Variants in RNGTT observed in about 807,000 individuals in gnomAD.
RNGTT encodes the protein mRNA-capping enzyme.
In RNGTT, 33 loss-of-function variants were observed where a neutral mutation model predicts 79.3. That is an observed-to-expected ratio of 0.42 (90% CI 0.32 to 0.56). RNGTT has a LOEUF of 0.56. Among genes scored for constraint, RNGTT ranks in the 20% least tolerant of loss-of-function variants. The probability of loss-of-function intolerance (pLI) is 0.17; values close to 1 mark genes in which losing one functional copy is unlikely to be tolerated. For synonymous variants in RNGTT, 222 were observed against 235.9 expected (o/e 0.94, Z 0.54); for missense variants, 497 against 739.1 (o/e 0.67, Z 3.80).
intron 8 of RNGTT, among the ~76,000 whole-genome samples, chr6:88,875,245 A>C (rs1782481636): frequency 6.6e-6 from 1 of 152,124 alleles, no homozygotes; most frequent in South Asian, 2.1e-4. Flanking sequence ...CCTATATCAT[A>C]TCCCATTATA....
At chr6:88,650,120 G>A (rs1379340335) in intron 14 of RNGTT, among the ~76,000 whole-genome samples, 4 of 152,126 alleles carry the variant, frequency 2.6e-5, no homozygotes, top group South Asian at 2.1e-4. Context: ...GAGCCTGCAC[G>A]GAATAGCATG....
In RNGTT at chr6:88,805,693, T is replaced by C. The variant is rs370346015; in HGVS notation, c.1270-4061A>G. On this transcript the variant is annotated intron_variant, in intron 11 of 15. Transcript: ENST00000369485. ...ATTCAGGTGCTCAGGTTCTGCTTAA[T>C]ACTAAGGCTGGAGAAGAAAAACTAA... Among the ~76,000 whole-genome samples the C allele has an allele frequency of 3.3e-5, 5 of 152,278 alleles. No individual in the cohort carries two copies. The East Asian group carries it at 9.7e-4, about 29-fold the overall frequency.
At chr6:88,938,348 A>G (rs1784735037) in intron 2 of RNGTT, among the ~76,000 whole-genome samples, 1 of 151,782 alleles carries the variant, frequency 6.6e-6, no homozygotes, top group Admixed American at 6.6e-5. Flanking sequence ...AAGTTTAGCT[A>G]CTCCTGCTCA....
At chr6:88,618,107 T>C (rs1011825035) in intron 14 of RNGTT, among the ~76,000 whole-genome samples, 1 of 152,188 alleles carries the variant, frequency 6.6e-6, no homozygotes, top group Non-Finnish European at 1.5e-5. Context: ...AATCTGACTG[T>C]AACAATTAAG....
At chr6:88,662,067 A>G (rs1406887200) in intron 14 of RNGTT, among the ~76,000 whole-genome samples, 1 of 152,234 alleles carries the variant, frequency 6.6e-6, no homozygotes, top group African/African-American at 2.4e-5. Context: ...AACAAAAACC[A>G]TATCAATGGA....
chr6:88,740,002 C>G (rs1237251913), intron 13 of RNGTT, among the ~76,000 whole-genome samples: 2 of 151,844 alleles, frequency 1.3e-5, no homozygotes, highest in African/African-American at 4.8e-5. Context: ...ATCTTCCATT[C>G]TGCTGACACC....
intron 13 of RNGTT, among the ~76,000 whole-genome samples, chr6:88,680,024 A>G (rs1775030231): frequency 6.6e-6 from 1 of 152,192 alleles, no homozygotes; most frequent in African/African-American, 2.4e-5. Context: ...TATAAATTCC[A>G]TTGCATGAAT....
intron 14 of RNGTT, among the ~76,000 whole-genome samples, chr6:88,645,484 A>G (rs1380234492): frequency 6.6e-6 from 1 of 152,238 alleles, no homozygotes; most frequent in Non-Finnish European, 1.5e-5. Flanking sequence ...GACTTTCTTC[A>G]CAGAATTGGA....
At chr6:88,721,851 G>A (rs909429540) in intron 13 of RNGTT, among the ~76,000 whole-genome samples, 1 of 151,954 alleles carries the variant, frequency 6.6e-6, no homozygotes, top group East Asian at 1.9e-4. Flanking sequence ...CAGCTCTCAT[G>A]TAAATATTCT....
chr6:88,839,578 G>GA (rs201206244), intron 11 of RNGTT, among the ~76,000 whole-genome samples: 54 of 149,432 alleles, frequency 3.6e-4, no homozygotes, highest in Admixed American at 6.7e-4. Context: ...TCGAAAAAAA[G>GA]AAAAAAAAAT....
At chr6:88,677,523 G>A (rs761837385) in intron 14 of RNGTT, among the ~76,000 whole-genome samples, 1 of 152,182 alleles carries the variant, frequency 6.6e-6, no homozygotes, top group Non-Finnish European at 1.5e-5. Context: ...CTGGAATGCA[G>A]TGGTGTGATC....
intron 13 of RNGTT, among the ~76,000 whole-genome samples, chr6:88,713,202 G>A (rs909061794): frequency 1.2e-4 from 18 of 152,048 alleles, no homozygotes; most frequent in African/African-American, 4.3e-4. Flanking sequence ...GCCTTTATAT[G>A]AGACTCAATA....
intron 14 of RNGTT, among the ~76,000 whole-genome samples, chr6:88,643,649 T>A (rs1044880952): frequency 6.6e-6 from 1 of 152,178 alleles, no homozygotes; most frequent in African/African-American, 2.4e-5. Context: ...TATAACAACC[T>A]GTCTCTCAGA....
chr6:88,689,650 C>T (rs2610756), intron 13 of RNGTT, among the ~76,000 whole-genome samples: 39,541 of 150,238 alleles, frequency 0.26, 9,058 homozygotes, highest in African/African-American at 0.62. Flanking sequence ...AGAGACAGTT[C>T]TTGTTTACAG....
At position 88,650,496 on chromosome 6, in the gene RNGTT, T is replaced by A. The variant is rs532968137; in HGVS notation, c.1506+27857A>T. Among the ~76,000 whole-genome samples, 39 of 152,276 alleles carry A rather than the reference T, an allele frequency of 2.6e-4. No individual in the cohort carries two copies. The Middle Eastern group carries it at 0.017, about 66-fold the overall frequency. ...CAAGAAAGACTGATCTTGAAAAACA[T>A]TAGAATGTTTTAATTCCAGCTATGC... On this transcript the variant is annotated intron_variant, in intron 14 of 15. Transcript: ENST00000369485.
At chr6:88,938,547 G>A (rs954009998) in intron 2 of RNGTT, among the ~76,000 whole-genome samples, 3 of 152,134 alleles carry the variant, frequency 2.0e-5, no homozygotes, top group African/African-American at 7.2e-5. Flanking sequence ...TTATTAATAT[G>A]TGAAGGCTTA....
chr6:88,699,418 C>T (rs1010568786), intron 13 of RNGTT, among the ~76,000 whole-genome samples: 1 of 152,070 alleles, frequency 6.6e-6, no homozygotes, highest in Non-Finnish European at 1.5e-5. Context: ...TTCACGGTGG[C>T]TCATGCCTGT....
At chr6:88,875,054 C>T (rs1322809838) in intron 8 of RNGTT, among the ~76,000 whole-genome samples, 1 of 151,840 alleles carries the variant, frequency 6.6e-6, no homozygotes, top group Admixed American at 6.6e-5. Context: ...CTTGTATTGT[C>T]TTTGAGACCT....
intron 8 of RNGTT, among the ~76,000 whole-genome samples, chr6:88,857,116 T>G (rs1781868688): frequency 6.6e-6 from 1 of 152,074 alleles, no homozygotes; most frequent in Admixed American, 6.6e-5. Context: ...CTACCAAAAC[T>G]GGAAATAATC....
Sources: allele counts gnomAD v4.1 joint callset (sites outside exome capture counted in the v4.1 genomes callset), GRCh38; gene constraint gnomAD v4.1.1; transcripts MANE v1.5; gene names NCBI Gene and HGNC (gene_info 2026-07-23, HGNC 2026-07-21).